Variants in ADGRL3 observed in about 807,000 individuals in gnomAD.
The protein encoded by ADGRL3 is calcium-independent alpha-latrotoxin receptor 3.
ADGRL3 carries 62 observed loss-of-function variants against 153.5 expected under a neutral mutation model. The ratio of observed to expected loss-of-function variants is 0.40; its 90% CI spans 0.33 to 0.50. The LOEUF is 0.50. Ranked by LOEUF, ADGRL3 falls within the 20% of genes least tolerant of loss-of-function variation. The pLI is 0.47. For missense variants in ADGRL3, 1,641 were observed against 1,859.4 expected (o/e 0.88, Z 2.16); for synonymous variants, 710 against 672.5 (o/e 1.06, Z -0.86).
intron 1 of ADGRL3, among the ~76,000 whole-genome samples, chr4:61,259,295 C>T (rs930565652): frequency 6.6e-5 from 10 of 151,954 alleles, no homozygotes; most frequent in Non-Finnish European, 8.8e-5. Flanking sequence ...TGGTGGCGGG[C>T]ACCTGTAGTC....
intron 4 of ADGRL3, 112 bp from the exon 5 acceptor site, chr4:61,587,115 T>G: frequency 1.8e-6 from 1 of 542,920 alleles, no homozygotes; most frequent in Non-Finnish European, 3.2e-6. Context: ...GAATCTTAAC[T>G]GCTTTATATC....
At chr4:61,751,455 G>C (rs1450482026) in intron 8 of ADGRL3, among the ~76,000 whole-genome samples, 1 of 152,092 alleles carries the variant, frequency 6.6e-6, no homozygotes, top group East Asian at 1.9e-4. Flanking sequence ...CCTGCCCAGA[G>C]GAACCCTTTT....
At chr4:61,659,697 G>T (rs983607178) in intron 5 of ADGRL3, among the ~76,000 whole-genome samples, 1 of 152,010 alleles carries the variant, frequency 6.6e-6, no homozygotes, top group African/African-American at 2.4e-5. Context: ...CAGCCTTGGG[G>T]AAATTACTTA....
intron 8 of ADGRL3, among the ~76,000 whole-genome samples, chr4:61,793,286 TG>T (rs2097367077): frequency 6.6e-6 from 1 of 152,034 alleles, no homozygotes; most frequent in African/African-American, 2.4e-5. Flanking sequence ...TAGCCAGTTG[TG>T]GCGGCGGGCG....
At chr4:61,994,385 CA>C (rs1315555126) in intron 19 of ADGRL3, among the ~76,000 whole-genome samples, 1 of 152,030 alleles carries the variant, frequency 6.6e-6, no homozygotes, top group Non-Finnish European at 1.5e-5. Context: ...GTCCTAGGCT[CA>C]AGCGATCCTC....
intron 2 of ADGRL3, among the ~76,000 whole-genome samples, chr4:61,463,332 A>G (rs2097845508): frequency 6.6e-6 from 1 of 152,208 alleles, no homozygotes; most frequent in Non-Finnish European, 1.5e-5. Flanking sequence ...CATGGCTAGC[A>G]GGTCTCAGGA....
At chr4:61,491,292 A>C (rs190523129) in intron 2 of ADGRL3, among the ~76,000 whole-genome samples, 1 of 152,260 alleles carries the variant, frequency 6.6e-6, no homozygotes, top group Admixed American at 6.5e-5. Flanking sequence ...AAATAATGGA[A>C]ATACTGGAAT....
Position 61,201,070 on chromosome 4 carries a change from G to A in ADGRL3, c.-935G>A, listed in dbSNP as rs112669901. On this transcript the variant is annotated 5_prime_UTR_variant, in exon 1 of 27. Coordinates refer to ENST00000683033, the MANE Select transcript of ADGRL3 (RefSeq NM_001387552.1). Reference sequence around the variant, plus strand: ...GCCTCGGGAGGACGAAGAGGAGGACGGTTTGGCGGAGAAGCCACCCCTGGC... The same window carrying A: ...GCCTCGGGAGGACGAAGAGGAGGACAGTTTGGCGGAGAAGCCACCCCTGGC... Among the ~76,000 whole-genome samples, 1 of 152,166 alleles carries A rather than the reference G, an allele frequency of 6.6e-6. No homozygotes were observed. The highest frequency in any genetic ancestry group is 2.4e-5 in the African/African-American group (1 of 41,452).
Position 61,708,797 on chromosome 4 carries a change from A to G in ADGRL3, c.584-21825A>G, listed in dbSNP as rs1321034625. ...CCATTCTTGCCAGTTCTTAAACTTTATTCATTATTTATTTATTTATTTATT... is the reference window on the plus strand; with the variant it reads ...CCATTCTTGCCAGTTCTTAAACTTTGTTCATTATTTATTTATTTATTTATT... On this transcript the variant is annotated intron_variant, in intron 6 of 26. Transcript: ENST00000683033. Among the ~76,000 whole-genome samples, 3 of 151,864 alleles carry G rather than the reference A, an allele frequency of 2.0e-5. No homozygotes were observed. The East Asian group carries it at 5.8e-4, about 29-fold the overall frequency.
At chr4:61,339,890 C>A (rs1369182749) in intron 1 of ADGRL3, among the ~76,000 whole-genome samples, 2 of 152,076 alleles carry the variant, frequency 1.3e-5, no homozygotes, top group African/African-American at 4.8e-5. Flanking sequence ...TGCCAGCTGG[C>A]ATATTTCTAG....
chr4:61,220,068 C>T (rs550403422), intron 1 of ADGRL3, among the ~76,000 whole-genome samples: 8 of 147,612 alleles, frequency 5.4e-5, no homozygotes, highest in Non-Finnish European at 1.2e-4. Context: ...AGATTGCGTG[C>T]GCCATTGCAC....
At chr4:61,773,580 C>T (rs372004784) in intron 8 of ADGRL3, among the ~76,000 whole-genome samples, 4 of 152,212 alleles carry the variant, frequency 2.6e-5, no homozygotes, top group South Asian at 2.1e-4. Flanking sequence ...CCATGCGTTG[C>T]AGGTACTGTG....
chr4:61,638,970 A>C (rs2093549517), intron 5 of ADGRL3, among the ~76,000 whole-genome samples: 1 of 152,132 alleles, frequency 6.6e-6, no homozygotes, highest in Admixed American at 6.5e-5. Context: ...CTTTTTTAGC[A>C]TTGTGTGGTG....
intron 21 of ADGRL3, among the ~76,000 whole-genome samples, chr4:62,015,322 T>C (rs2099206538): frequency 6.6e-6 from 1 of 152,208 alleles, no homozygotes; most frequent in Non-Finnish European, 1.5e-5. Context: ...GTCGATATTT[T>C]AAACCAGATA....
intron 8 of ADGRL3, among the ~76,000 whole-genome samples, chr4:61,755,909 T>C (rs2096823676): frequency 6.6e-6 from 1 of 152,316 alleles, no homozygotes; most frequent in South Asian, 2.1e-4. Flanking sequence ...TTGTCAGGTT[T>C]GTCAGAGATC....
chr4:61,296,196 G>T (rs1333769085), intron 1 of ADGRL3, among the ~76,000 whole-genome samples: 1 of 152,110 alleles, frequency 6.6e-6, no homozygotes, highest in East Asian at 1.9e-4. Flanking sequence ...TAATAATACT[G>T]TTTTTTCTGT....
chr4:61,451,891 A>G (rs1174887040), intron 2 of ADGRL3, among the ~76,000 whole-genome samples: 2 of 152,172 alleles, frequency 1.3e-5, no homozygotes, highest in East Asian at 3.9e-4. Flanking sequence ...AGATATGATA[A>G]CAGAGAGACC....
At position 62,070,817 on chromosome 4, in the gene ADGRL3, G is replaced by T. The variant is rs957462955; in HGVS notation, c.4541G>T (p.Ser1514Ile). The stretch of plus-strand genomic sequence containing the variant: ...ACTTACTACCAGCTAGGTCGCGGCA[G>T]CAGTGATGGATTTATAGTTCCTCCA... ...LHTYYQLGRGSSDGFIVPPNK... is the reference protein window; with the variant it reads ...LHTYYQLGRGISDGFIVPPNK... Residue 1514 changes from serine (S) to isoleucine (I), a missense_variant, in exon 27 of 27, where the codon AGC becomes ATC. Physicochemically the swap from Ser to Ile is moderately radical, Grantham distance 142. Around this residue, in one of 5 missense-constraint regions of ADGRL3, gnomAD observed 517 missense variants for 555.0 expected, o/e 0.93. Coordinates refer to ENST00000683033, the MANE Select transcript of ADGRL3 (RefSeq NM_001387552.1). The T allele has an allele frequency of 1.3e-6, 2 of 1,551,570 alleles. No homozygotes were observed. Among genetic ancestry groups the T allele is most frequent in the Non-Finnish European group, 1.7e-6 (2 of 1,146,992 alleles).
At chr4:62,012,382 A>T (rs1233960708) in intron 21 of ADGRL3, among the ~76,000 whole-genome samples, 2 of 152,198 alleles carry the variant, frequency 1.3e-5, no homozygotes, top group African/African-American at 4.8e-5. Context: ...TAGTTAGTTC[A>T]TTGACGTTTT....
Sources: gnomAD v4.1 joint callset for allele counts (sites outside exome capture counted in the v4.1 genomes callset) on GRCh38, gnomAD v4.1.1 for gene constraint, gnomAD v4.1.1 regional missense constraint, MANE v1.5 for transcripts, NCBI Gene and HGNC (gene_info 2026-07-23, HGNC 2026-07-21) for gene names.